The following EPYC variants were observed in gnomAD, a reference collection of about 807,000 sequenced individuals.
EPYC encodes epiphycan.
EPYC carries 28 observed loss-of-function variants against 30.1 expected under a neutral mutation model. The ratio of observed to expected loss-of-function variants is 0.93; its 90% CI spans 0.69 to 1.28. The LOEUF is 1.28. Among genes scored for constraint, EPYC ranks in the 50% most tolerant of loss-of-function variants. The pLI is 0.00. For synonymous variants in EPYC, 144 were observed against 141.4 expected (o/e 1.02, Z -0.13); for missense variants, 382 against 383.5 (o/e 1.00, Z 0.03).
chr12:90,979,347 C>T (rs185127149), intron 2 of EPYC, among the ~76,000 whole-genome samples: 1 of 152,164 alleles, frequency 6.6e-6, no homozygotes, highest in East Asian at 1.9e-4. Flanking sequence ...TTTTTTCCAC[C>T]CTTCTTTATT....
At chr12:90,995,600 C>A (rs1462088350) in intron 2 of EPYC, among the ~76,000 whole-genome samples, 1 of 151,722 alleles carries the variant, frequency 6.6e-6, no homozygotes, top group African/African-American at 2.4e-5. Context: ...CAAATGGTTA[C>A]AATATTACCT....
At chr12:91,004,411 T>C (rs1877903783) in intron 1 of EPYC, among the ~76,000 whole-genome samples, 1 of 152,112 alleles carries the variant, frequency 6.6e-6, no homozygotes, top group South Asian at 2.1e-4. Context: ...GTAATTGTAT[T>C]AGCATTTAAT....
At chr12:90,993,518 T>C (rs536866892) in intron 2 of EPYC, among the ~76,000 whole-genome samples, 1 of 152,232 alleles carries the variant, frequency 6.6e-6, no homozygotes, top group African/African-American at 2.4e-5. Context: ...AAATTTAGCA[T>C]TACTGCCCAG....
chr12:90,970,448 T>G (rs968644437), intron 5 of EPYC, among the ~76,000 whole-genome samples: 1 of 152,214 alleles, frequency 6.6e-6, no homozygotes, highest in Non-Finnish European at 1.5e-5. Context: ...GGCTGCTTCT[T>G]CCTATGAAAG....
intron 2 of EPYC, among the ~76,000 whole-genome samples, chr12:90,979,747 T>C (rs1877279816): frequency 6.6e-6 from 1 of 152,160 alleles, no homozygotes; most frequent in Non-Finnish European, 1.5e-5. Context: ...TCATGTCTTT[T>C]ATCTGTGTAC....
At chr12:90,968,763 A>C (rs2120796083) in intron 6 of EPYC, among the ~76,000 whole-genome samples, 1 of 152,210 alleles carries the variant, frequency 6.6e-6, no homozygotes, top group Non-Finnish European at 1.5e-5. Flanking sequence ...AATAGTAATA[A>C]AATTTAATTC....
chr12:90,971,867 G>A lies in EPYC; in HGVS notation c.635C>T (p.Thr212Ile). ...KIRQLPELPT[T>I]LTFIDISNNR... is the part of the protein sequence containing the mutation. ...GTTGCTAATATCAATAAATGTCAAA[G>A]TGGTTGGCAATTCTGGGAGCTGCCT... The change falls in exon 5 of 7, where the codon ACT (threonine) becomes ATT (isoleucine). Residue 212 changes from threonine (T) to isoleucine (I), a missense_variant. Coordinates refer to ENST00000261172, the MANE Select transcript of EPYC (RefSeq NM_004950.5). 1 of 1,612,368 alleles carries A rather than the reference G, an allele frequency of 6.2e-7. No homozygotes were observed. The highest frequency in any genetic ancestry group is 1.3e-5 in the African/African-American group (1 of 74,966).
At chr12:90,980,115 GA>G in intron 2 of EPYC, among the ~76,000 whole-genome samples, 1 of 152,266 alleles carries the variant, frequency 6.6e-6, no homozygotes, top group Non-Finnish European at 1.5e-5. Context: ...GAGACCAAAG[GA>G]GGCTCCAGGA....
intron 2 of EPYC, among the ~76,000 whole-genome samples, chr12:90,989,721 C>T (rs1307818647): frequency 6.6e-6 from 1 of 151,970 alleles, no homozygotes; most frequent in African/African-American, 2.4e-5. Context: ...ACATACTTCT[C>T]TTCTTACTTC....
intron 2 of EPYC, among the ~76,000 whole-genome samples, chr12:90,997,494 C>T (rs11105906): frequency 0.069 from 10,415 of 151,998 alleles, 614 homozygotes; most frequent in South Asian, 0.2. Context: ...CCCCCTCCAA[C>T]CTAAGCAAAA....
In EPYC at chr12:91,000,588, A is replaced by AT. The variant is rs550297858; in HGVS notation, c.165+1812dup. On this transcript the variant is annotated intron_variant, in intron 2 of 6. Coordinates refer to ENST00000261172, the MANE Select transcript of EPYC (RefSeq NM_004950.5). ...TAGAGAAGCCATGATCCCAAACAGC[A>AT]TTTTTTTTTCTATTGTGTATTTGGA... 5.4e-3 allele frequency among the ~76,000 whole-genome samples: 819 copies of AT among 151,008 alleles called. 5 individuals carry two copies. The highest frequency in any genetic ancestry group is 0.011 in the African/African-American group (466 of 41,228).
chr12:90,996,588 C>T (rs1159581606), intron 2 of EPYC, among the ~76,000 whole-genome samples: 1 of 151,896 alleles, frequency 6.6e-6, no homozygotes, highest in Non-Finnish European at 1.5e-5. Context: ...ATATAATTTT[C>T]ATTCCTTTCA....
At position 90,968,022 on chromosome 12, in the gene EPYC, A is replaced by G. The variant is rs995151258; in HGVS notation, c.798+2022T>C. Among the ~76,000 whole-genome samples the G allele has an allele frequency of 3.0e-4, 45 of 152,156 alleles. 1 individual carries two copies. Among genetic ancestry groups the G allele is most frequent in the Admixed American group, 2.6e-3 (40 of 15,262 alleles). The stretch of plus-strand genomic sequence containing the variant: ...AAATAAGAAGATGGAATACTTCATT[A>G]CTATTGAACTGCCTATTTCTCCTTT... On this transcript the variant is annotated intron_variant, in intron 6 of 6. Transcript: ENST00000261172.
chr12:90,991,023 A>C (rs1877572417), intron 2 of EPYC, among the ~76,000 whole-genome samples: 1 of 152,102 alleles, frequency 6.6e-6, no homozygotes, highest in Non-Finnish European at 1.5e-5. Flanking sequence ...TATGTCTTTA[A>C]TCAGAGTTTT....
At chr12:90,968,340 G>A (rs1466120516) in intron 6 of EPYC, among the ~76,000 whole-genome samples, 1 of 152,174 alleles carries the variant, frequency 6.6e-6, no homozygotes, top group Non-Finnish European at 1.5e-5. Flanking sequence ...CTGTATAGAA[G>A]ATCACCTTTT....
rs563307270 is a variant in EPYC, at chr12:90,972,993, G to A, written c.341-13C>T. The A allele has an allele frequency of 1.9e-5, 29 of 1,534,280 alleles. No individual in the cohort carries two copies. The South Asian group carries it at 2.8e-4, about 15-fold the overall frequency. On this transcript the variant is annotated splice_polypyrimidine_tract_variant and intron_variant, in intron 3 of 6. Coordinates refer to ENST00000261172, the MANE Select transcript of EPYC (RefSeq NM_004950.5). ...CAGGTTGGAAAGTCTAAAAGATAAA[G>A]GAAAATAAAATTAAATGTAAGTACC...
intron 2 of EPYC, among the ~76,000 whole-genome samples, chr12:90,992,029 A>T (rs1296337128): frequency 6.6e-6 from 1 of 152,220 alleles, no homozygotes; most frequent in African/African-American, 2.4e-5. Context: ...TCTTCAGATC[A>T]GTAGCCTCCA....
chr12:90,989,951 T>C (rs1462456461), intron 2 of EPYC, among the ~76,000 whole-genome samples: 1 of 152,062 alleles, frequency 6.6e-6, no homozygotes, highest in African/African-American at 2.4e-5. Flanking sequence ...CATTATCTAA[T>C]AGCAAAGTCA....
intron 6 of EPYC, among the ~76,000 whole-genome samples, chr12:90,967,379 G>T (rs1383362404): frequency 2.6e-5 from 4 of 151,240 alleles, no homozygotes; most frequent in East Asian, 3.9e-4. Context: ...GAAAAATTTT[G>T]TTTCATATCC....
Sources: gnomAD v4.1 joint callset for allele counts (sites outside exome capture counted in the v4.1 genomes callset) on GRCh38, gnomAD v4.1.1 for gene constraint, MANE v1.5 for transcripts, NCBI Gene and HGNC (gene_info 2026-07-23, HGNC 2026-07-21) for gene names.